The following SLC9D1 variants were observed in gnomAD, a reference collection of about 807,000 sequenced individuals.
SLC9D1 encodes the protein solute carrier family 9 member D1.
At chr13:113,548,574 G>A in the SLC9D1 span, 4 of 1,095,386 alleles carry the variant, frequency 3.7e-6, no homozygotes, top group East Asian at 1.0e-4. Context: ...TCCTCCTCCA[G>A]GGGGGCACGC....
At chr13:113,538,505 C>T in the SLC9D1 span, among the ~76,000 whole-genome samples, 5 of 152,218 alleles carry the variant, frequency 3.3e-5, no homozygotes, top group African/African-American at 9.6e-5. Flanking sequence ...CGCTCCTGTG[C>T]GTCTGTTGGC....
chr13:113,512,487 C>T, the SLC9D1 span, among the ~76,000 whole-genome samples: 3 of 119,952 alleles, frequency 2.5e-5, no homozygotes, highest in Admixed American at 8.2e-5. Context: ...GGGGTTGGAG[C>T]GTAGATGGAG....
At chr13:113,527,769 T>G in the SLC9D1 span, 10 of 123,470 alleles carry the variant, frequency 8.1e-5, no homozygotes, top group African/African-American at 3.9e-4. Flanking sequence ...TCAGTCCACT[T>G]GTTCTCTCCT....
At chr13:113,541,526 C>G in the SLC9D1 span, among the ~76,000 whole-genome samples, 2,351 of 110,436 alleles carry the variant, frequency 0.021, 13 homozygotes, top group Admixed American at 0.035. Context: ...GATTGCTGAT[C>G]ACTGCCATGC....
At chr13:113,535,481 G>A in the SLC9D1 span, among the ~76,000 whole-genome samples, 2 of 152,190 alleles carry the variant, frequency 1.3e-5, no homozygotes, top group Non-Finnish European at 2.9e-5. This position sits in a 1 kb window ranked among gnomAD's most constrained non-coding sequence, Gnocchi z 4.1. Context: ...AAATGAAGCC[G>A]TGTTCACACA....
chr13:113,505,843 C>G, the SLC9D1 span: 2 of 152,244 alleles, frequency 1.3e-5, no homozygotes, highest in African/African-American at 4.8e-5. Flanking sequence ...ATCCTCTTAC[C>G]TAGAACTTTT....
At chr13:113,494,298 A>C in the SLC9D1 span, among the ~76,000 whole-genome samples, 42 of 152,100 alleles carry the variant, frequency 2.8e-4, no homozygotes, top group East Asian at 7.9e-3. Flanking sequence ...CTAGTGGCCA[A>C]ATTCCACGGA....
At chr13:113,526,969 C>T in the SLC9D1 span, among the ~76,000 whole-genome samples, 5 of 152,206 alleles carry the variant, frequency 3.3e-5, no homozygotes, top group Non-Finnish European at 5.9e-5. Context: ...CAGTCACGTG[C>T]TGTGCAGGTG....
the SLC9D1 span, among the ~76,000 whole-genome samples, chr13:113,493,121 T>C: frequency 6.6e-6 from 1 of 152,230 alleles, no homozygotes; most frequent in African/African-American, 2.4e-5. Context: ...GTTATGAGTA[T>C]GTTTCAGTGG....
the SLC9D1 span, chr13:113,495,568 T>C: frequency 1.3e-6 from 2 of 1,525,564 alleles, no homozygotes; most frequent in South Asian, 1.3e-5. Flanking sequence ...TGCCCTGCCC[T>C]CCGGACCTGG....
the SLC9D1 span, chr13:113,503,380 TG>T: frequency 4.7e-6 from 3 of 637,690 alleles, no homozygotes; most frequent in Non-Finnish European, 5.6e-6. Flanking sequence ...TGTGTGTGTG[TG>T]TGTATGTGTG....
chr13:113,548,300 C>G, the SLC9D1 span: 1 of 1,613,844 alleles, frequency 6.2e-7, no homozygotes, highest in Non-Finnish European at 8.5e-7. Context: ...ACCGCTCTTG[C>G]AGTTTCTCCT....
At chr13:113,530,505 C>T in the SLC9D1 span, 1 of 152,036 alleles carries the variant, frequency 6.6e-6, no homozygotes, top group Non-Finnish European at 1.5e-5. Context: ...TAGATTTGTA[C>T]TAAGTTTTTT....
the SLC9D1 span, chr13:113,504,787 A>T: frequency 6.6e-6 from 1 of 152,210 alleles, no homozygotes; most frequent in Non-Finnish European, 1.5e-5. Flanking sequence ...AGACATGTGC[A>T]TGCAAGTCTC....
chr13:113,523,968 C>T, the SLC9D1 span, among the ~76,000 whole-genome samples: 3 of 152,140 alleles, frequency 2.0e-5, no homozygotes, highest in Non-Finnish European at 4.4e-5. Flanking sequence ...TCCACTGTGG[C>T]GCGAGAACAT....
At chr13:113,547,360 T>C in the SLC9D1 span, 3 of 1,613,946 alleles carry the variant, frequency 1.9e-6, no homozygotes, top group Admixed American at 5.0e-5. Context: ...TTCCTCACCT[T>C]GTCAGTGGTG....
At chr13:113,510,372 C>A in the SLC9D1 span, 1 of 1,613,974 alleles carries the variant, frequency 6.2e-7, no homozygotes, top group Non-Finnish European at 8.5e-7. Context: ...CCTTGTCAAG[C>A]ACACCCCTCG....
the SLC9D1 span, chr13:113,534,937 G>A: frequency 6.6e-6 from 1 of 152,304 alleles, no homozygotes; most frequent in Non-Finnish European, 1.5e-5. Context: ...AAAAAAATTA[G>A]CTGGGTGTGG....
chr13:113,513,766 A>G, the SLC9D1 span, among the ~76,000 whole-genome samples: 203 of 152,362 alleles, frequency 1.3e-3, no homozygotes, highest in African/African-American at 4.8e-3. Context: ...ATAAACTCAT[A>G]GCTGTTCCAA....
Sources: allele counts gnomAD v4.1 joint callset (sites outside exome capture counted in the v4.1 genomes callset), GRCh38; gene constraint gnomAD v4.1.1; non-coding constraint Gnocchi (gnomAD v3.1); transcripts MANE v1.5; gene names NCBI Gene and HGNC (gene_info 2026-07-23, HGNC 2026-07-21).